EEA1: variants seen among roughly 807,000 people sequenced by gnomAD.
EEA1 encodes the protein early endosome antigen 1.
A neutral mutation model predicts 209.2 loss-of-function variants in EEA1; 111 were observed. That is an observed-to-expected ratio of 0.53 (90% CI 0.45 to 0.62). EEA1 has a LOEUF of 0.62. Ranked by LOEUF, EEA1 falls within the 20% of genes least tolerant of loss-of-function variation. EEA1 has a pLI of 0.00. For missense variants in EEA1, 1,343 were observed against 1,530.8 expected (o/e 0.88, Z 2.05); for synonymous variants, 536 against 540.6 (o/e 0.99, Z 0.12).
intron 17 of EEA1, among the ~76,000 whole-genome samples, chr12:92,809,632 T>C (rs1000582664): frequency 1.3e-5 from 2 of 150,552 alleles, no homozygotes; most frequent in East Asian, 3.9e-4. Context: ...GAGGCAGAGG[T>C]TGCAGCGAGC....
intron 13 of EEA1, among the ~76,000 whole-genome samples, chr12:92,825,618 C>T (rs2136686395): frequency 6.6e-6 from 1 of 152,156 alleles, no homozygotes; most frequent in South Asian, 2.1e-4. Context: ...ATATTTTCTA[C>T]ACCTACAATT....
intron 1 of EEA1, among the ~76,000 whole-genome samples, chr12:92,895,241 C>T (rs1449406940): frequency 6.8e-6 from 1 of 146,286 alleles, no homozygotes; most frequent in Non-Finnish European, 1.5e-5. Flanking sequence ...CTGCAAGCTC[C>T]GCCTCCCAAG....
chr12:92,913,287 T>G (rs1880643986), intron 1 of EEA1, among the ~76,000 whole-genome samples: 1 of 152,234 alleles, frequency 6.6e-6, no homozygotes, highest in Admixed American at 6.5e-5. Context: ...AATTTGCATT[T>G]CTCTGATTAG....
chr12:92,827,886 T>C, intron 12 of EEA1, 26 bp downstream of exon 12: 2 of 1,520,792 alleles, frequency 1.3e-6, no homozygotes, highest in Non-Finnish European at 1.8e-6. Context: ...CTCAAGCCTA[T>C]CAATAAATTG....
At chr12:92,792,418 A>G (rs1038000326) in intron 21 of EEA1, among the ~76,000 whole-genome samples, 1 of 152,196 alleles carries the variant, frequency 6.6e-6, no homozygotes, top group Non-Finnish European at 1.5e-5. Context: ...AGAATCAAAT[A>G]GATGCAATAA....
chr12:92,842,719 T>A, intron 9 of EEA1, 138 bp from the exon 10 acceptor site: 2 of 576,970 alleles, frequency 3.5e-6, no homozygotes, highest in Non-Finnish European at 6.1e-6. Flanking sequence ...TCCTACCACC[T>A]ATACTGCCAC....
At chr12:92,857,959 T>G in intron 3 of EEA1, 2 of 247,412 alleles carry the variant, frequency 8.1e-6, no homozygotes, top group Non-Finnish European at 7.7e-6. Flanking sequence ...TGCACCACCA[T>G]TGGTTACGCC....
intron 20 of EEA1, among the ~76,000 whole-genome samples, chr12:92,800,294 G>A (rs1413732320): frequency 6.6e-6 from 1 of 152,068 alleles, no homozygotes; most frequent in East Asian, 1.9e-4. Flanking sequence ...CTACTACCTT[G>A]TTTGTACAAT....
At chr12:92,817,492 T>C (rs1175922340) in intron 14 of EEA1, among the ~76,000 whole-genome samples, 1 of 152,166 alleles carries the variant, frequency 6.6e-6, no homozygotes, top group Non-Finnish European at 1.5e-5. Context: ...CTAGAGTAGC[T>C]GGGATTACAG....
intron 1 of EEA1, among the ~76,000 whole-genome samples, chr12:92,914,420 C>T (rs762382668): frequency 6.6e-6 from 1 of 152,116 alleles, no homozygotes; most frequent in East Asian, 1.9e-4. Flanking sequence ...TGATGCCTCC[C>T]ACTTTGTTCT....
Position 92,809,093 on chromosome 12 carries a change from G to T in EEA1, c.2263C>A (p.Gln755Lys). The change falls in exon 18 of 29, where the codon CAG (glutamine) becomes AAG (lysine). Residue 755 changes from glutamine (Q) to lysine (K), a missense_variant. By Grantham distance (53) the Gln-to-Lys change is moderately conservative. Transcript: ENST00000322349. ...SKEQALQDLQQQRQLNTDLEL... is the reference protein window; with the variant it reads ...SKEQALQDLQKQRQLNTDLEL... ...AAATCTGTGTTCAGCTGTCTTTGCT[G>T]TTGTAGATCTTGCAAAGCCTGCTCC... is the stretch of plus-strand genomic sequence containing the variant. 2 of 1,606,936 alleles carry T rather than the reference G, an allele frequency of 1.2e-6. No homozygotes were observed. Among genetic ancestry groups the T allele is most frequent in the East Asian group, 4.5e-5 (2 of 44,374 alleles).
chr12:92,857,491 T>TA lies in EEA1; in HGVS notation c.246-7dup. The TA allele has an allele frequency of 1.3e-6, 2 of 1,560,264 alleles. No individual in the cohort carries two copies. The highest frequency in any genetic ancestry group is 1.7e-6 in the Non-Finnish European group (2 of 1,156,598). On this transcript the variant is annotated splice_polypyrimidine_tract_variant and splice_region_variant and intron_variant, in intron 3 of 28. Transcript: ENST00000322349. ...TGAGCAGTGTTACATCATCTCTAAA[T>TA]AAAAATGGGAGGAAGGAATTAATAG...
intron 1 of EEA1, among the ~76,000 whole-genome samples, chr12:92,906,565 C>G (rs1194475617): frequency 6.6e-6 from 1 of 152,192 alleles, no homozygotes; most frequent in Non-Finnish European, 1.5e-5. Context: ...GTAATTCCAG[C>G]ACTCTGGGAG....
At chr12:92,908,180 A>G (rs1880451544) in intron 1 of EEA1, among the ~76,000 whole-genome samples, 1 of 152,374 alleles carries the variant, frequency 6.6e-6, no homozygotes, top group East Asian at 1.9e-4. Flanking sequence ...ACATGCTGCA[A>G]CATGAAGCTA....
rs780563900 is a variant in EEA1, at chr12:92,777,533, G to A, written c.4014+10C>T. On this transcript the variant is annotated intron_variant, in intron 27 of 28. Coordinates refer to ENST00000322349, the MANE Select transcript of EEA1 (RefSeq NM_003566.4). ...ACTAAAAAACTGCTTCATATCCATA[G>A]GTGACTGACCTGAAGTGATTGGTTT... is the stretch of plus-strand genomic sequence containing the variant. 15 of 1,606,094 alleles carry A rather than the reference G, an allele frequency of 9.3e-6. No individual in the cohort carries two copies. The South Asian group carries it at 1.7e-4, about 18-fold the overall frequency.
intron 2 of EEA1, among the ~76,000 whole-genome samples, chr12:92,889,809 G>A (rs1592760492): frequency 6.6e-6 from 1 of 152,212 alleles, no homozygotes; most frequent in Non-Finnish European, 1.5e-5. Context: ...AGTTACTCAG[G>A]AGGCTGAGGC....
At chr12:92,828,619 C>CATATATATATGTGTACATATATATATCAT (rs139923919) in intron 11 of EEA1, among the ~76,000 whole-genome samples, 1 of 146,076 alleles carries the variant, frequency 6.8e-6, no homozygotes, top group Non-Finnish European at 1.5e-5. Flanking sequence ...ATATATATAT[C>CATATATATATGTGTACATATATATATCAT]ATATATATAT....
chr12:92,816,274 G>A lies in EEA1; in HGVS notation c.1855C>T (p.Leu619=). ...TTTAATTCATTGACACTAGTTTCTAGGGAAAGGACACGGTCTTGTGCAGCT... is the reference window on the plus strand; with the variant it reads ...TTTAATTCATTGACACTAGTTTCTAAGGAAAGGACACGGTCTTGTGCAGCT... The part of the protein sequence containing the change: ...LRAAQDRVLS[L]ETSVNELNSQ... The change falls in exon 15 of 29, where the codon CTA becomes TTA. Residue 619 remains leucine, a synonymous_variant. Transcript: ENST00000322349. The A allele has an allele frequency of 6.2e-7, 1 of 1,613,912 alleles. No homozygotes were observed.
chr12:92,927,296 T>C (rs1881250312), intron 1 of EEA1, among the ~76,000 whole-genome samples: 1 of 152,204 alleles, frequency 6.6e-6, no homozygotes, highest in Non-Finnish European at 1.5e-5. Flanking sequence ...CGCAGAATTA[T>C]CCAGTCACAA....
Sources: allele counts gnomAD v4.1 joint callset (sites outside exome capture counted in the v4.1 genomes callset), GRCh38; gene constraint gnomAD v4.1.1; transcripts MANE v1.5; gene names NCBI Gene and HGNC (gene_info 2026-07-23, HGNC 2026-07-21).